Variants in TSHZ2 observed in about 807,000 individuals in gnomAD.
The protein encoded by TSHZ2 is teashirt homolog 2.
TSHZ2 carries 21 observed loss-of-function variants against 74.4 expected under a neutral mutation model. The ratio of observed to expected loss-of-function variants is 0.28; its 90% CI spans 0.20 to 0.41. TSHZ2 has a LOEUF of 0.41. Among genes scored for constraint, TSHZ2 ranks in the 10% least tolerant of loss-of-function variants. The pLI is 1.00. For synonymous variants in TSHZ2, 540 were observed against 515.3 expected, an observed-to-expected ratio of 1.05 and a Z score of -0.65; for missense variants, 1,244 against 1,293.5, an observed-to-expected ratio of 0.96 and a Z score of 0.59.
intron 2 of TSHZ2, among the ~76,000 whole-genome samples, chr20:53,315,797 C>G (rs1385747203): frequency 6.6e-6 from 1 of 152,168 alleles, no homozygotes; most frequent in Non-Finnish European, 1.5e-5. Context: ...ATTATAATTG[C>G]AACGAATGCT....
At chr20:53,014,282 A>G (rs951783644) in intron 1 of TSHZ2, among the ~76,000 whole-genome samples, 5 of 152,068 alleles carry the variant, frequency 3.3e-5, no homozygotes, top group Non-Finnish European at 7.4e-5. Context: ...CAACCTGAGG[A>G]TTCCACCCTT....
chr20:53,175,421 G>A (rs1988313237), intron 1 of TSHZ2, among the ~76,000 whole-genome samples: 1 of 151,962 alleles, frequency 6.6e-6, no homozygotes. Context: ...GATTACAGGT[G>A]TGAGCCATTG....
At chr20:53,208,227 TGAA>T (rs975462851) in intron 1 of TSHZ2, among the ~76,000 whole-genome samples, 1 of 152,212 alleles carries the variant, frequency 6.6e-6, no homozygotes, top group Non-Finnish European at 1.5e-5. Flanking sequence ...TAAATCAAGA[TGAA>T]GACCACCCTA....
intron 1 of TSHZ2, among the ~76,000 whole-genome samples, chr20:53,189,795 A>G (rs1312963518): frequency 6.6e-6 from 1 of 151,908 alleles, no homozygotes; most frequent in Non-Finnish European, 1.5e-5. Flanking sequence ...TAATTCTTAA[A>G]TGTCTGGGCC....
chr20:52,989,239 T>G (rs1175796866), intron 1 of TSHZ2, among the ~76,000 whole-genome samples: 2 of 152,302 alleles, frequency 1.3e-5, no homozygotes, highest in Non-Finnish European at 2.9e-5. Context: ...GTTTATTTAT[T>G]TCCTTTTTAG....
chr20:53,208,329 T>C (rs956734585), intron 1 of TSHZ2, among the ~76,000 whole-genome samples: 9 of 152,162 alleles, frequency 5.9e-5, no homozygotes, highest in African/African-American at 2.2e-4. Flanking sequence ...TGTTCCTCCC[T>C]TTGGTAGATA....
chr20:53,462,420 G>A (rs767255794), intron 2 of TSHZ2, among the ~76,000 whole-genome samples: 5 of 152,142 alleles, frequency 3.3e-5, no homozygotes, highest in Admixed American at 6.5e-5. Context: ...GTAAGAATTC[G>A]GTGGGGACAC....
At chr20:53,350,246 A>G (rs967225369) in intron 2 of TSHZ2, among the ~76,000 whole-genome samples, 1 of 152,254 alleles carries the variant, frequency 6.6e-6, no homozygotes, top group African/African-American at 2.4e-5. Flanking sequence ...AGCCTATCAC[A>G]TATGACTTCA....
chr20:53,089,563 T>C (rs1023490981), intron 1 of TSHZ2, among the ~76,000 whole-genome samples: 4 of 152,186 alleles, frequency 2.6e-5, no homozygotes, highest in Non-Finnish European at 4.4e-5. Context: ...AGAAAAGATT[T>C]GCCCTTGAGA....
intron 1 of TSHZ2, among the ~76,000 whole-genome samples, chr20:53,202,009 G>A (rs1351268776): frequency 1.3e-5 from 2 of 152,132 alleles, no homozygotes; most frequent in Non-Finnish European, 2.9e-5. Context: ...TCTGCCCATC[G>A]CTAACCACCA....
chr20:52,977,639 G>A (rs960787832), intron 1 of TSHZ2, among the ~76,000 whole-genome samples: 9 of 152,022 alleles, frequency 5.9e-5, no homozygotes, highest in African/African-American at 1.5e-4. Context: ...TCCCACCCCC[G>A]TCTTGATTTC....
chr20:53,077,028 G>A (rs757503479), intron 1 of TSHZ2, among the ~76,000 whole-genome samples: 2 of 152,192 alleles, frequency 1.3e-5, no homozygotes, highest in African/African-American at 2.4e-5. Context: ...AAAAGCAAAA[G>A]AGGGGAAAGG....
chr20:53,322,216 AT>A (rs1350446021), intron 2 of TSHZ2, among the ~76,000 whole-genome samples: 2 of 152,210 alleles, frequency 1.3e-5, no homozygotes, highest in African/African-American at 4.8e-5. Context: ...CAGTGATTTT[AT>A]TTTGTAAGTA....
At chr20:53,271,558 T>G (rs1600781186) in intron 2 of TSHZ2, among the ~76,000 whole-genome samples, 2 of 152,132 alleles carry the variant, frequency 1.3e-5, no homozygotes, top group East Asian at 3.9e-4. Flanking sequence ...ACCACAAGGC[T>G]TAGCCTCTGC....
intron 1 of TSHZ2, among the ~76,000 whole-genome samples, chr20:53,060,785 T>C (rs1011871182): frequency 6.6e-6 from 1 of 152,174 alleles, no homozygotes; most frequent in Non-Finnish European, 1.5e-5. Context: ...CAGTATCCTT[T>C]AAAAGTAATA....
chr20:53,322,148 C>T (rs1979293841), intron 2 of TSHZ2, among the ~76,000 whole-genome samples: 1 of 152,210 alleles, frequency 6.6e-6, no homozygotes, highest in Non-Finnish European at 1.5e-5. Context: ...GATTTTTATT[C>T]TACTTCCTCA....
intron 1 of TSHZ2, among the ~76,000 whole-genome samples, chr20:53,183,931 C>T (rs929949960): frequency 3.9e-5 from 6 of 152,176 alleles, no homozygotes; most frequent in East Asian, 1.9e-4. Flanking sequence ...CCAGTCTCCC[C>T]GTTGGCCTCA....
At chr20:53,236,251 T>C (rs1989936096) in intron 1 of TSHZ2, among the ~76,000 whole-genome samples, 1 of 152,262 alleles carries the variant, frequency 6.6e-6, no homozygotes, top group East Asian at 1.9e-4. Flanking sequence ...TTAAGTCTTT[T>C]ATTTGCTCTG....
chr20:53,370,655 T>C (rs1981433766), intron 2 of TSHZ2, among the ~76,000 whole-genome samples: 1 of 152,078 alleles, frequency 6.6e-6, no homozygotes, highest in Non-Finnish European at 1.5e-5. Context: ...TCCCAGATAC[T>C]CAGGGGGCTG....
Sources: allele counts gnomAD v4.1 joint callset (sites outside exome capture counted in the v4.1 genomes callset), GRCh38; gene constraint gnomAD v4.1.1; transcripts MANE v1.5; gene names NCBI Gene and HGNC (gene_info 2026-07-23, HGNC 2026-07-21).